The following RPRD1B variants were observed in gnomAD, a reference collection of about 807,000 sequenced individuals.
The protein encoded by RPRD1B is regulation of nuclear pre-mRNA domain-containing protein 1B.
A neutral mutation model predicts 41.5 loss-of-function variants in RPRD1B; 11 were observed. The ratio of observed to expected loss-of-function variants is 0.27; its 90% CI spans 0.17 to 0.44. RPRD1B has a LOEUF of 0.44. Ranked by LOEUF, RPRD1B falls within the 20% of genes least tolerant of loss-of-function variation. The probability of loss-of-function intolerance (pLI) is 1.00; values close to 1 mark genes in which losing one functional copy is unlikely to be tolerated. For synonymous variants in RPRD1B, 158 were observed against 155.6 expected (o/e 1.02, Z -0.12); for missense variants, 248 against 389.9 (o/e 0.64, Z 3.06).
At chr20:38,054,711 C>T (rs1047406819) in intron 3 of RPRD1B, among the ~76,000 whole-genome samples, 4 of 152,142 alleles carry the variant, frequency 2.6e-5, no homozygotes, top group Non-Finnish European at 5.9e-5. Flanking sequence ...AGTTTGAAAA[C>T]GGAAGGATTT....
intron 2 of RPRD1B, among the ~76,000 whole-genome samples, chr20:38,046,279 G>A (rs2074120178): frequency 6.6e-6 from 1 of 152,250 alleles, no homozygotes; most frequent in South Asian, 2.1e-4. Flanking sequence ...ACCTTCATTG[G>A]TCGAGCTGAG....
chr20:38,059,853 CAT>C (rs888639794), intron 5 of RPRD1B, among the ~76,000 whole-genome samples: 11 of 152,044 alleles, frequency 7.2e-5, no homozygotes, highest in Non-Finnish European at 1.5e-4. Context: ...CTGTTAGACT[CAT>C]AACCCTCTTA....
intron 5 of RPRD1B, among the ~76,000 whole-genome samples, chr20:38,063,724 G>C (rs952085263): frequency 6.6e-6 from 1 of 152,192 alleles, no homozygotes; most frequent in African/African-American, 2.4e-5. Flanking sequence ...GAGGGAATGG[G>C]ATGCGCATGC....
chr20:38,087,931 A>T (rs904889318), intron 6 of RPRD1B, among the ~76,000 whole-genome samples: 8 of 152,174 alleles, frequency 5.3e-5, no homozygotes, highest in African/African-American at 1.9e-4. Flanking sequence ...AGCCTGGTGG[A>T]TGCTGGGGGA....
chr20:38,035,323 G>T (rs753698877), intron 1 of RPRD1B, among the ~76,000 whole-genome samples: 1 of 152,192 alleles, frequency 6.6e-6, no homozygotes. Context: ...CCCTATATGT[G>T]GTAGGCCTTT....
chr20:38,040,756 T>C (rs2074058088), intron 2 of RPRD1B, among the ~76,000 whole-genome samples, 192 bp downstream of exon 2: 1 of 152,226 alleles, frequency 6.6e-6, no homozygotes, highest in African/African-American at 2.4e-5. Context: ...TCTGATACAT[T>C]TGAGAGATTC....
At chr20:38,037,436 T>A (rs548848318) in intron 1 of RPRD1B, among the ~76,000 whole-genome samples, 1 of 152,326 alleles carries the variant, frequency 6.6e-6, no homozygotes, top group Admixed American at 6.5e-5. Flanking sequence ...TAACCAGTTG[T>A]TTAAATTTTA....
At chr20:38,082,687 T>C (rs1241017728) in intron 6 of RPRD1B, among the ~76,000 whole-genome samples, 1 of 152,216 alleles carries the variant, frequency 6.6e-6, no homozygotes, top group Non-Finnish European at 1.5e-5. Context: ...ACGCCCGGCC[T>C]GAACTTGTAT....
chr20:38,054,955 T>C (rs1329284700), intron 3 of RPRD1B, among the ~76,000 whole-genome samples: 3 of 152,188 alleles, frequency 2.0e-5, no homozygotes, highest in African/African-American at 7.2e-5. Context: ...TACTGTTAGG[T>C]GTTTCTTATG....
At position 38,044,656 on chromosome 20, in the gene RPRD1B, C is replaced by G. The variant is rs553036750; in HGVS notation, c.282-3692C>G. Among the ~76,000 whole-genome samples, 9 of 152,214 alleles carry G rather than the reference C, an allele frequency of 5.9e-5. No homozygotes were observed. The South Asian group carries it at 1.5e-3, about 25-fold the overall frequency. ...CTCAAAGTGCTGGGATTACAGGCGT[C>G]AGCCACCGCGCCAGGCTCAGGTGTT... On this transcript the variant is annotated intron_variant, in intron 2 of 6. Transcript: ENST00000373433.
intron 1 of RPRD1B, among the ~76,000 whole-genome samples, chr20:38,037,028 T>A (rs2074010569): frequency 6.6e-6 from 1 of 152,210 alleles, no homozygotes; most frequent in African/African-American, 2.4e-5. Context: ...AGAAAAGGAT[T>A]CTGTGCCCTA....
At chr20:38,070,368 A>G (rs2074399545) in intron 6 of RPRD1B, 1 of 985,438 alleles carries the variant, frequency 1.0e-6, no homozygotes, top group Admixed American at 6.1e-5. Flanking sequence ...GGAAGGAAGC[A>G]CAAATGGCAG....
intron 2 of RPRD1B, among the ~76,000 whole-genome samples, chr20:38,046,621 G>T (rs570924928): frequency 4.6e-5 from 7 of 152,208 alleles, no homozygotes; most frequent in Non-Finnish European, 8.8e-5. Context: ...ACTGAAGGTG[G>T]TGTAACTAAA....
chr20:38,056,295 G>A (rs2074240130), intron 3 of RPRD1B, among the ~76,000 whole-genome samples: 1 of 152,118 alleles, frequency 6.6e-6, no homozygotes, highest in Non-Finnish European at 1.5e-5. Context: ...GGAGGCTGAG[G>A]TGGGAGAATT....
rs993013586 is a variant in RPRD1B, at chr20:38,090,075, G to T, written c.*200G>T. The T allele has an allele frequency of 3.9e-5, 51 of 1,299,718 alleles. No homozygotes were observed. Among genetic ancestry groups the T allele is most frequent in the Non-Finnish European group, 4.7e-5 (48 of 1,022,636 alleles). The allele number at this position is 1,299,718 out of a possible 1,614,324, so 80.5% of individuals were successfully genotyped here. A position where few individuals can be genotyped will look rare whatever the true frequency, so the allele number is the denominator to read the frequency against. ...TCAGAACAGTGGCGACTGGAATCTGGTTTATATTCATATTTGCAAAGACTA... is the reference window on the plus strand; with the variant it reads ...TCAGAACAGTGGCGACTGGAATCTGTTTTATATTCATATTTGCAAAGACTA... On this transcript the variant is annotated 3_prime_UTR_variant, in exon 7 of 7. Transcript: ENST00000373433.
intron 6 of RPRD1B, among the ~76,000 whole-genome samples, chr20:38,069,682 CAG>C (rs1438565211): frequency 2.6e-5 from 4 of 152,206 alleles, no homozygotes; most frequent in East Asian, 1.9e-4. Context: ...ATGCTCTAGT[CAG>C]GGGGAAATAG....
At chr20:38,066,312 A>T in intron 6 of RPRD1B, 56 bp downstream of exon 6, 1 of 1,511,196 alleles carries the variant, frequency 6.6e-7, no homozygotes, top group African/African-American at 1.4e-5. Context: ...TGTAGCCCAC[A>T]TTAGGAGGTT....
chr20:38,086,520 G>T (rs1600445746), intron 6 of RPRD1B, among the ~76,000 whole-genome samples: 1 of 151,712 alleles, frequency 6.6e-6, no homozygotes, highest in Admixed American at 6.6e-5. Flanking sequence ...TCATTTTTTT[G>T]TGGAGACAGG....
chr20:38,085,025 T>G (rs1319384533), intron 6 of RPRD1B, among the ~76,000 whole-genome samples: 1 of 152,188 alleles, frequency 6.6e-6, no homozygotes, highest in African/African-American at 2.4e-5. Flanking sequence ...CAGTAGGTAC[T>G]TGCCGCTGAA....
Sources: allele counts gnomAD v4.1 joint callset (sites outside exome capture counted in the v4.1 genomes callset), GRCh38; gene constraint gnomAD v4.1.1; transcripts MANE v1.5; gene names NCBI Gene and HGNC (gene_info 2026-07-23, HGNC 2026-07-21).